Variants in WDPCP observed in about 807,000 individuals in gnomAD.
WDPCP encodes the protein WD repeat-containing and planar cell polarity effector protein fritz homolog.
Under a neutral mutation model 93.1 loss-of-function variants are expected in WDPCP, and 71 were observed. The ratio of observed to expected loss-of-function variants is 0.76; its 90% confidence interval spans 0.63 to 0.93. WDPCP has a LOEUF of 0.93. Among genes scored for constraint, WDPCP ranks in the 40% least tolerant of loss-of-function variants. WDPCP has a pLI of 0.00. For missense variants in WDPCP, 844 were observed against 887.4 expected, an observed-to-expected ratio of 0.95 and a Z score of 0.62; for synonymous variants, 315 against 315.0, an observed-to-expected ratio of 1.00 and a Z score of 0.00.
At chr2:63,667,258 G>A (rs139262026) in intron 2 of WDPCP, among the ~76,000 whole-genome samples, 313 of 152,312 alleles carry the variant, frequency 2.1e-3, no homozygotes, top group Middle Eastern at 3.4e-3. Context: ...GGCAAGTGAT[G>A]TTCACACACC....
intron 2 of WDPCP, among the ~76,000 whole-genome samples, chr2:63,784,595 T>A (rs1231666399): frequency 7.2e-5 from 11 of 151,986 alleles, no homozygotes; most frequent in Non-Finnish European, 1.6e-4. Flanking sequence ...TGTGTGTGTG[T>A]GTGTGTGAAT....
intron 3 of WDPCP, chr2:63,643,677 C>A (rs112933618): frequency 2.1e-6 from 1 of 471,668 alleles, no homozygotes; most frequent in South Asian, 1.7e-5. Flanking sequence ...TCACTTTGCA[C>A]AACTTGTACT....
chr2:63,223,268 G>A (rs1677993014), intron 14 of WDPCP, among the ~76,000 whole-genome samples: 1 of 151,994 alleles, frequency 6.6e-6, no homozygotes, highest in Non-Finnish European at 1.5e-5. Flanking sequence ...GCAACTATTT[G>A]GATAATTTCT....
At chr2:63,677,027 C>T (rs140441218) in intron 2 of WDPCP, among the ~76,000 whole-genome samples, 171 of 152,248 alleles carry the variant, frequency 1.1e-3, no homozygotes, top group African/African-American at 3.9e-3. Flanking sequence ...TTTTTAAAAA[C>T]TACTCCCCCA....
chr2:63,622,542 G>T (rs1709755646), intron 3 of WDPCP: 1 of 1,613,770 alleles, frequency 6.2e-7, no homozygotes, highest in African/African-American at 1.3e-5. Flanking sequence ...GATGTTCCAG[G>T]TGAAGGTAGT....
chr2:63,535,076 CAG>C (rs1157902732), intron 1 of WDPCP, among the ~76,000 whole-genome samples: 2 of 152,136 alleles, frequency 1.3e-5, no homozygotes, highest in African/African-American at 4.8e-5. Flanking sequence ...AATAGACAAA[CAG>C]AGAGCCAAAT....
Position 63,363,958 on chromosome 2 carries a change from T to G in WDPCP, c.1748+14428A>C, listed in dbSNP as rs150872333. Reference sequence around the variant, plus strand: ...TGGAGGCAGAGCAAGGAGGATTGCCTGAGGCCAGGAGTTCAAGGCAGACAT... The same window carrying G: ...TGGAGGCAGAGCAAGGAGGATTGCCGGAGGCCAGGAGTTCAAGGCAGACAT... On this transcript the variant is annotated intron_variant, in intron 12 of 17. Coordinates refer to ENST00000272321, the MANE Select transcript of WDPCP (RefSeq NM_015910.7). 2.1e-3 allele frequency among the ~76,000 whole-genome samples: 327 copies of G among 152,290 alleles called. 1 individual carries two copies. The highest frequency in any genetic ancestry group is 7.6e-3 in the African/African-American group (316 of 41,572).
intron 12 of WDPCP, among the ~76,000 whole-genome samples, chr2:63,377,009 T>C (rs138979053): frequency 3.3e-5 from 5 of 152,002 alleles, no homozygotes; most frequent in African/African-American, 1.2e-4. Context: ...TAAAAATAGT[T>C]ACCAAACAGT....
intron 4 of WDPCP, 30 bp downstream of exon 4, chr2:63,486,512 A>G (rs909884319): frequency 1.3e-6 from 2 of 1,543,868 alleles, no homozygotes; most frequent in Admixed American, 1.9e-5. Context: ...CAGTTTTATA[A>G]TAATTCCAAA....
chr2:63,599,340 T>A, intron 3 of WDPCP: 1 of 1,566,558 alleles, frequency 6.4e-7, no homozygotes, highest in East Asian at 2.3e-5. Flanking sequence ...CTTTAAAACA[T>A]TTTTCTCTCA....
intron 17 of WDPCP, among the ~76,000 whole-genome samples, chr2:63,125,178 C>T (rs141137234): frequency 2.0e-5 from 3 of 152,304 alleles, no homozygotes; most frequent in African/African-American, 4.8e-5. Flanking sequence ...AATGCAGTCT[C>T]AAACTGACTG....
intron 6 of WDPCP, 41 bp downstream of exon 6, chr2:63,484,563 C>T (rs1188094935): frequency 1.2e-6 from 2 of 1,609,610 alleles, no homozygotes; most frequent in Admixed American, 1.7e-5. Flanking sequence ...GTTTTCAGCT[C>T]CATTGGTTAA....
chr2:63,436,961 G>A (rs1056517883), intron 8 of WDPCP, among the ~76,000 whole-genome samples: 5 of 151,966 alleles, frequency 3.3e-5, no homozygotes, highest in African/African-American at 4.8e-5. Context: ...GAGGGGGAGG[G>A]TTCTTCCCCC....
At chr2:63,312,294 C>G (rs1686243687) in intron 13 of WDPCP, among the ~76,000 whole-genome samples, 1 of 152,116 alleles carries the variant, frequency 6.6e-6, no homozygotes, top group Admixed American at 6.5e-5. Context: ...TCTAAAACAT[C>G]AAAGCTTCAT....
intron 9 of WDPCP, among the ~76,000 whole-genome samples, chr2:63,414,507 A>G (rs1402511210): frequency 1.3e-5 from 2 of 152,050 alleles, no homozygotes; most frequent in Non-Finnish European, 2.9e-5. Flanking sequence ...ATATATATAC[A>G]CACACACATA....
chr2:63,805,570 C>G (rs764715339), intron 2 of WDPCP, among the ~76,000 whole-genome samples: 1 of 152,098 alleles, frequency 6.6e-6, no homozygotes, highest in Non-Finnish European at 1.5e-5. Context: ...TAATGGCTGT[C>G]AGCCACCAAC....
At chr2:63,177,439 G>A (rs1310315755) in intron 14 of WDPCP, among the ~76,000 whole-genome samples, 1 of 152,058 alleles carries the variant, frequency 6.6e-6, no homozygotes, top group Non-Finnish European at 1.5e-5. Flanking sequence ...CTAGTTTTAA[G>A]TCTTTTACCT....
chr2:63,414,077 T>C (rs1695225157), intron 9 of WDPCP, among the ~76,000 whole-genome samples: 1 of 151,316 alleles, frequency 6.6e-6, no homozygotes, highest in Non-Finnish European at 1.5e-5. Context: ...TATGAAAAAA[T>C]GCTCCACATC....
intron 12 of WDPCP, among the ~76,000 whole-genome samples, chr2:63,313,886 A>ATTTTTT (rs61487991): frequency 1.3e-5 from 1 of 74,502 alleles, no homozygotes; most frequent in African/African-American, 5.2e-5. Flanking sequence ...ATATATATAT[A>ATTTTTT]TTTTTTTTTT....
Sources: gnomAD v4.1 joint callset for allele counts (sites outside exome capture counted in the v4.1 genomes callset) on GRCh38, gnomAD v4.1.1 for gene constraint, MANE v1.5 for transcripts, NCBI Gene and HGNC (gene_info 2026-07-23, HGNC 2026-07-21) for gene names.